GALNT9: variants seen among roughly 807,000 people sequenced by gnomAD.
GALNT9 encodes the protein GalNAc transferase 9.
Under a neutral mutation model 63.1 loss-of-function variants are expected in GALNT9, and 47 were observed. The ratio of observed to expected loss-of-function variants is 0.75; its 90% CI spans 0.59 to 0.95. The LOEUF is 0.95. Ranked by LOEUF, GALNT9 falls within the 40% of genes least tolerant of loss-of-function variation. GALNT9 has a pLI of 0.00. For synonymous variants in GALNT9, 396 were observed against 365.7 expected (o/e 1.08, Z -0.94); for missense variants, 829 against 874.8 (o/e 0.95, Z 0.66).
chr12:132,267,490 G>A (rs951177385), intron 2 of GALNT9, among the ~76,000 whole-genome samples: 1 of 152,140 alleles, frequency 6.6e-6, no homozygotes, highest in East Asian at 1.9e-4. Flanking sequence ...CACCCCAGAG[G>A]GCTTCACGGT....
intron 6 of GALNT9, among the ~76,000 whole-genome samples, chr12:132,239,329 GAGACAGAGTC>G (rs1250578311): frequency 1.4e-5 from 1 of 73,110 alleles, no homozygotes; most frequent in African/African-American, 7.7e-5. Context: ...CTGAGAGAGA[GAGACAGAGTC>G]AGAGACAGAG....
At chr12:132,295,343 C>T (rs566745771) in intron 1 of GALNT9, among the ~76,000 whole-genome samples, 206 of 152,364 alleles carry the variant, frequency 1.4e-3, no homozygotes, top group African/African-American at 4.6e-3. Flanking sequence ...GCCGTGCAGG[C>T]CGAGAGCCAA....
intron 2 of GALNT9, among the ~76,000 whole-genome samples, chr12:132,268,918 G>A (rs1036450924): frequency 6.6e-6 from 1 of 152,238 alleles, no homozygotes; most frequent in East Asian, 1.9e-4. Flanking sequence ...GAACGCCCAC[G>A]TGTGGCGGGT....
chr12:132,245,469 G>A lies in GALNT9; in HGVS notation c.1077+2441C>T, dbSNP rs1878672935. ...AAAAAAGAAAGGCCCATGTGTCATG[G>A]AGACGGGAGGGAAGCTCTCCAACGG... On this transcript the variant is annotated intron_variant, in intron 6 of 10. Transcript: ENST00000328957. This position sits in a 1 kb window ranked among gnomAD's most constrained non-coding sequence, Gnocchi z 6.3. 6.6e-6 allele frequency among the ~76,000 whole-genome samples: 1 copy of A among 152,114 alleles called. No individual in the cohort carries two copies. The highest frequency in any genetic ancestry group is 1.5e-5 in the Non-Finnish European group (1 of 68,018).
intron 6 of GALNT9, chr12:132,240,645 G>A (rs530709775): frequency 4.5e-6 from 2 of 448,878 alleles, no homozygotes; most frequent in Non-Finnish European, 8.9e-6. Context: ...CCTCGGACCT[G>A]CTCCTCTTCA....
chr12:132,272,359 C>T (rs1248482186), intron 2 of GALNT9, among the ~76,000 whole-genome samples: 1 of 152,224 alleles, frequency 6.6e-6, no homozygotes, highest in African/African-American at 2.4e-5. Context: ...TCCACGATGC[C>T]CCTGCAGCAA....
chr12:132,282,152 G>T lies in GALNT9; in HGVS notation c.419+4098C>A, dbSNP rs1880378276. On this transcript the variant is annotated intron_variant, in intron 2 of 10. Coordinates refer to ENST00000328957, the MANE Select transcript of GALNT9 (RefSeq NM_001122636.2). This position sits in a 1 kb window ranked among gnomAD's most constrained non-coding sequence, Gnocchi z 4.5. ...TGGGGGTCCCCGATCCCACAGAGGA[G>T]GAATCAGCTCCACTACAGCAAGCCC... Among the ~76,000 whole-genome samples, 1 of 148,290 alleles carries T rather than the reference G, an allele frequency of 6.7e-6. No individual in the cohort carries two copies. Among genetic ancestry groups the T allele is most frequent in the Non-Finnish European group, 1.5e-5 (1 of 67,298 alleles).
chr12:132,211,768 G>A (rs1418114057), intron 6 of GALNT9, among the ~76,000 whole-genome samples: 4 of 152,196 alleles, frequency 2.6e-5, no homozygotes, highest in African/African-American at 7.2e-5. Context: ...AGATGGGCAC[G>A]GAAGGCTGAG....
intron 1 of GALNT9, among the ~76,000 whole-genome samples, chr12:132,297,351 G>T (rs1949534439): frequency 7.1e-6 from 1 of 141,804 alleles, no homozygotes; most frequent in Non-Finnish European, 1.5e-5. Flanking sequence ...CTCCCAAGAT[G>T]ACCAAGCCAC....
chr12:132,304,482 CACCCAGACACACCCTT>C, intron 1 of GALNT9, among the ~76,000 whole-genome samples: 1 of 74,048 alleles, frequency 1.4e-5, no homozygotes, highest in Admixed American at 1.4e-4. Context: ...GGCACACGCT[CACCCAGACACACCCTT>C]GCCCGGGCAC....
At position 132,327,645 on chromosome 12, in the gene GALNT9, C is replaced by G. The variant is rs1002569284; in HGVS notation, c.238+1321G>C. ...GCTGCTTGAACTACTTTTCTCCCCT[C>G]GTGGCTCCAGCTGAATCAGAAAGAT... On this transcript the variant is annotated intron_variant, in intron 1 of 10. Coordinates refer to ENST00000328957, the MANE Select transcript of GALNT9 (RefSeq NM_001122636.2). This position sits in a 1 kb window ranked among gnomAD's most constrained non-coding sequence, Gnocchi z 4.3. 6.6e-6 allele frequency among the ~76,000 whole-genome samples: 1 copy of G among 152,136 alleles called. No homozygotes were observed. Among genetic ancestry groups the G allele is most frequent in the Non-Finnish European group, 1.5e-5 (1 of 68,032 alleles).
intron 1 of GALNT9, among the ~76,000 whole-genome samples, chr12:132,318,674 GC>G (rs1226572141): frequency 6.6e-6 from 1 of 152,250 alleles, no homozygotes; most frequent in East Asian, 1.9e-4. Context: ...TGGGCCTGCA[GC>G]CCCGTGTGTG....
chr12:132,214,831 G>A (rs530031313), intron 6 of GALNT9, among the ~76,000 whole-genome samples: 10 of 152,350 alleles, frequency 6.6e-5, no homozygotes, highest in Admixed American at 3.9e-4. Context: ...CAGGGCAGGC[G>A]GTGGCACCCT....
chr12:132,199,080 A>G, intron 9 of GALNT9, 94 bp downstream of exon 9: 1 of 791,402 alleles, frequency 1.3e-6, no homozygotes, highest in South Asian at 1.6e-5. Flanking sequence ...ACACCCCAGC[A>G]GGCTGGACCC....
At chr12:132,295,575 G>A (rs574151564) in intron 1 of GALNT9, among the ~76,000 whole-genome samples, 18 of 152,256 alleles carry the variant, frequency 1.2e-4, no homozygotes, top group Non-Finnish European at 2.4e-4. Flanking sequence ...GGGCACACAC[G>A]TGAGGGTGGA....
chr12:132,199,373 C>A (rs915498487), intron 8 of GALNT9, 104 bp from the exon 9 acceptor site: 2 of 801,498 alleles, frequency 2.5e-6, no homozygotes, highest in Non-Finnish European at 4.1e-6. Context: ...GAGGTGCCCG[C>A]GGGAGGAGGA....
chr12:132,319,404 G>C lies in GALNT9; in HGVS notation c.238+9562C>G, dbSNP rs547770133. 3.0e-4 allele frequency among the ~76,000 whole-genome samples: 46 copies of C among 152,216 alleles called. No individual in the cohort carries two copies. The highest frequency in any genetic ancestry group is 1.1e-3 in the African/African-American group (44 of 41,544). On this transcript the variant is annotated intron_variant, in intron 1 of 10. Transcript: ENST00000328957. The surrounding 1 kb of genome is among the most constrained non-coding windows in gnomAD (Gnocchi z 5.2). ...ACATCGGGTGGAGCTGCCAGGTCTCGGGCCTTTGGAGTAGAAGTTATGCCG... is the reference window on the plus strand; with the variant it reads ...ACATCGGGTGGAGCTGCCAGGTCTCCGGCCTTTGGAGTAGAAGTTATGCCG...
intron 1 of GALNT9, among the ~76,000 whole-genome samples, chr12:132,318,468 A>T (rs1426759585): frequency 6.6e-6 from 1 of 152,210 alleles, no homozygotes; most frequent in Admixed American, 6.5e-5. Context: ...CAGGGGCCTC[A>T]GGCCACCAGG....
rs140482401 is a variant in GALNT9, at chr12:132,213,515, TCACA to T, written c.1078-9829_1078-9826del. Reference sequence around the variant, plus strand: ...GCACTCCACTCACACACAGGCGCACTCACACACACGCACTCCCACCCACATACAG... The same window carrying T: ...GCACTCCACTCACACACAGGCGCACTCACACGCACTCCCACCCACATACAG... On this transcript the variant is annotated intron_variant, in intron 6 of 10. Transcript: ENST00000328957. Among the ~76,000 whole-genome samples the T allele has an allele frequency of 2.9e-3, 436 of 148,186 alleles. 10 individuals carry two copies. The East Asian group carries it at 0.063, about 22-fold the overall frequency.
Sources: gnomAD v4.1 joint callset for allele counts (sites outside exome capture counted in the v4.1 genomes callset) on GRCh38, gnomAD v4.1.1 for gene constraint, Gnocchi (gnomAD v3.1) non-coding constraint, MANE v1.5 for transcripts, NCBI Gene and HGNC (gene_info 2026-07-23, HGNC 2026-07-21) for gene names.